Variants in WDR49 observed in about 807,000 individuals in gnomAD.
WDR49 encodes the protein cilia- and flagella-associated protein 337.
In WDR49, 107 loss-of-function variants were observed where a neutral mutation model predicts 119.5. The observed-to-expected ratio is 0.90, with a 90% confidence interval of 0.77 to 1.05. WDR49 has a LOEUF of 1.05. Ranked by LOEUF, WDR49 falls within the 50% of genes least tolerant of loss-of-function variation. The pLI is 0.00. For synonymous variants in WDR49, 425 were observed against 418.8 expected, an observed-to-expected ratio of 1.01 and a Z score of -0.18; for missense variants, 1,240 against 1,220.5, an observed-to-expected ratio of 1.02 and a Z score of -0.24.
chr3:167,528,124 C>A (rs1523340), intron 14 of WDR49, 107 bp from the exon 15 acceptor site: 1 of 874,762 alleles, frequency 1.1e-6, no homozygotes, highest in Non-Finnish European at 1.7e-6. Flanking sequence ...GAACAATAAC[C>A]TATGATCCAA....
At chr3:167,544,458 AGTGGGACATAGACCG>A (rs537696612) in intron 10 of WDR49, among the ~76,000 whole-genome samples, 42 of 152,184 alleles carry the variant, frequency 2.8e-4, no homozygotes, top group African/African-American at 9.6e-4. Flanking sequence ...TACATAGAGC[AGTGGGACATAGACCG>A]GTGGGACATA....
In WDR49 at chr3:167,480,182, G is replaced by GAGTTT. The variant is rs1043125381; in HGVS notation, c.3032-1191_3032-1187dup. Among the ~76,000 whole-genome samples, 24 of 139,410 alleles carry GAGTTT rather than the reference G, an allele frequency of 1.7e-4. No homozygotes were observed. In the Middle Eastern group the frequency reaches 0.012, roughly 67 times the overall value. 91.5% of individuals were successfully genotyped at this position (139,410 alleles called of 152,430 possible). On this transcript the variant is annotated intron_variant, in intron 18 of 18. Coordinates refer to ENST00000682715, the MANE Select transcript of WDR49 (RefSeq NM_001366157.1). ...GAGAATTGCTTGAACCCAGGAGGCA[G>GAGTTT]AGTTTGCAGTGAGCCGAGATCAAGC...
At chr3:167,652,055 T>C (rs1272674941) in intron 2 of WDR49, among the ~76,000 whole-genome samples, 3 of 152,226 alleles carry the variant, frequency 2.0e-5, no homozygotes, top group African/African-American at 7.2e-5. Flanking sequence ...GTTTGCTATG[T>C]CTATCAAAAT....
At chr3:167,514,782 C>T (rs1294747803) in intron 16 of WDR49, among the ~76,000 whole-genome samples, 2 of 151,784 alleles carry the variant, frequency 1.3e-5, no homozygotes, top group Non-Finnish European at 2.9e-5. Flanking sequence ...CAAATAGACA[C>T]AATAAAAAAA....
In WDR49 at chr3:167,532,895, C is replaced by T. The variant is rs776597447; in HGVS notation, c.2037G>A (p.Leu679=). 22 of 1,608,698 alleles carry T rather than the reference C, an allele frequency of 1.4e-5. No individual in the cohort carries two copies. In the Admixed American group the frequency reaches 3.5e-4, roughly 26 times the overall value. Residue 679 remains leucine, a synonymous_variant, in exon 12 of 19, where the codon TTG becomes TTA. Transcript: ENST00000682715. ...CACACTTACCTAATTTTGACTTTAGCAACCTCTGGTAATCAGGGTGAAGAA... is the reference window on the plus strand; with the variant it reads ...CACACTTACCTAATTTTGACTTTAGTAACCTCTGGTAATCAGGGTGAAGAA... The part of the protein sequence containing the change: ...HHVLHPDYQR[L]LKSKLDTKPQ...
chr3:167,655,849 G>T (rs1267991020), upstream of WDR49, among the ~76,000 whole-genome samples: 1 of 152,102 alleles, frequency 6.6e-6, no homozygotes, highest in East Asian at 1.9e-4. Flanking sequence ...AGTGAGCCAA[G>T]ATCACGCCAC....
At chr3:167,580,194 G>T (rs536370498) in intron 7 of WDR49, among the ~76,000 whole-genome samples, 1 of 152,126 alleles carries the variant, frequency 6.6e-6, no homozygotes, top group African/African-American at 2.4e-5. Context: ...AATGTTTACT[G>T]TTCTTCTTCT....
chr3:167,637,424 T>G (rs746911908), intron 2 of WDR49, among the ~76,000 whole-genome samples: 1 of 151,870 alleles, frequency 6.6e-6, no homozygotes, highest in Non-Finnish European at 1.5e-5. Flanking sequence ...AATCAGGTAA[T>G]GTGATGCCTC....
rs543714762 is a variant in WDR49, at chr3:167,638,258, G to A, written c.166-10966C>T. On this transcript the variant is annotated intron_variant, in intron 2 of 18. Coordinates refer to ENST00000682715, the MANE Select transcript of WDR49 (RefSeq NM_001366157.1). Reference sequence around the variant, plus strand: ...TCCTGCAATGCTTTTTTCTCTACATGAAAAATTGCTCATAATTGAATCTCA... The same window carrying A: ...TCCTGCAATGCTTTTTTCTCTACATAAAAAATTGCTCATAATTGAATCTCA... Among the ~76,000 whole-genome samples the A allele has an allele frequency of 1.8e-3, 265 of 151,398 alleles. 2 individuals are homozygous for A. The highest frequency in any genetic ancestry group is 6.0e-3 in the African/African-American group (247 of 41,418).
intron 2 of WDR49, among the ~76,000 whole-genome samples, chr3:167,652,405 T>C (rs1718429265): frequency 6.6e-6 from 1 of 152,190 alleles, no homozygotes. Context: ...CAAATTAGTA[T>C]GGATACTCCA....
chr3:167,492,120 C>T (rs1577194153), intron 18 of WDR49, among the ~76,000 whole-genome samples: 1 of 149,558 alleles, frequency 6.7e-6, no homozygotes, highest in African/African-American at 2.5e-5. Context: ...TGATAGTGTG[C>T]AGGAGAAATA....
At chr3:167,626,684 T>C (rs1034906514) in intron 3 of WDR49, among the ~76,000 whole-genome samples, 168 bp downstream of exon 3, 11 of 152,060 alleles carry the variant, frequency 7.2e-5, no homozygotes, top group Non-Finnish European at 1.5e-4. Context: ...TCAGCCACAG[T>C]GTCATTACAA....
intron 10 of WDR49, among the ~76,000 whole-genome samples, chr3:167,552,483 G>A (rs190101851): frequency 3.5e-4 from 53 of 152,170 alleles, no homozygotes; most frequent in Non-Finnish European, 5.9e-4. Flanking sequence ...GTGACTTCTT[G>A]TTGTGTGTGA....
At position 167,532,380 on chromosome 3, in the gene WDR49, T is replaced by C. The variant is rs1000926760; in HGVS notation, c.2053+499A>G. On this transcript the variant is annotated intron_variant, in intron 12 of 18. Transcript: ENST00000682715. ...TTAAGTATAAAATATTCATGTGCTC[T>C]GCTAAACTCCCATAAAATACAATAT... 2.0e-5 allele frequency among the ~76,000 whole-genome samples: 3 copies of C among 152,184 alleles called. No homozygotes were observed. The South Asian group carries it at 6.2e-4, about 31-fold the overall frequency.
chr3:167,635,698 C>A (rs9836351), intron 2 of WDR49, among the ~76,000 whole-genome samples: 1 of 151,246 alleles, frequency 6.6e-6, no homozygotes, highest in African/African-American at 2.4e-5. Flanking sequence ...TTCACTGACC[C>A]GAGGTTTACT....
Position 167,560,069 on chromosome 3 carries a change from C to G in WDR49, c.1669G>C (p.Val557Leu). 3 of 1,614,064 alleles carry G rather than the reference C, an allele frequency of 1.9e-6. No homozygotes were observed. The highest frequency in any genetic ancestry group is 2.2e-5 in the South Asian group (2 of 91,072). ...AAGCATCATTGTGTTCGCACCTTTACAGTCCCATCTGTGCTGCCAGTCAAA... is the reference window on the plus strand; with the variant it reads ...AAGCATCATTGTGTTCGCACCTTTAGAGTCCCATCTGTGCTGCCAGTCAAA... ...RLLTGSTDGT[V>L]KIWDFNGYCH... The change falls in exon 9 of 19, where the codon GTA becomes CTA. Residue 557 changes from valine (V) to leucine (L), a missense_variant. By Grantham distance (32) the Val-to-Leu change is conservative. Coordinates refer to ENST00000682715, the MANE Select transcript of WDR49 (RefSeq NM_001366157.1).
In WDR49 at chr3:167,620,529, T is replaced by C; in HGVS notation, c.858A>G (p.Glu286=). The C allele has an allele frequency of 1.3e-6, 2 of 1,535,900 alleles. No individual in the cohort carries two copies. The highest frequency in any genetic ancestry group is 1.7e-6 in the Non-Finnish European group (2 of 1,146,680). The change falls in exon 5 of 19, where the codon GAA becomes GAG. Residue 286 remains glutamate, a synonymous_variant. Transcript: ENST00000682715. ...CTGCCCAGTTAATGGTCATAGTGGC[T>C]TCTCCATCTTCACATGCACTAGCAG... ...ERPASACEDG[E]ATMTINWAEL...
intron 2 of WDR49, among the ~76,000 whole-genome samples, chr3:167,634,201 G>A (rs891290362): frequency 6.6e-6 from 1 of 151,712 alleles, no homozygotes; most frequent in African/African-American, 2.4e-5. Context: ...GTCTTTTTGA[G>A]GTAATAATTA....
At position 167,626,883 on chromosome 3, in the gene WDR49, G is replaced by T; in HGVS notation, c.575C>A (p.Thr192Lys). The T allele has an allele frequency of 1.6e-6, 2 of 1,251,012 alleles. No individual in the cohort carries two copies. The highest frequency in any genetic ancestry group is 3.7e-5 in the South Asian group (1 of 27,118). The allele number at this position is 1,251,012 out of a possible 1,614,324, so 77.5% of individuals were successfully genotyped here. Residue 192 changes from threonine to lysine, a missense_variant, in exon 3 of 19, where the codon ACA (threonine) becomes AAA (lysine). Thr to Lys is a moderately conservative substitution (Grantham distance 78). Coordinates refer to ENST00000682715, the MANE Select transcript of WDR49 (RefSeq NM_001366157.1). Reference sequence around the variant, plus strand: ...TACATTTTCCAGAGAAACCAGACTTGTCACCCACAGGTGTTTGAGCTTGGT... The same window carrying T: ...TACATTTTCCAGAGAAACCAGACTTTTCACCCACAGGTGTTTGAGCTTGGT... ...DATKLKHLWV[T>K]SLVSLENVNK...
Sources: gnomAD v4.1 joint callset for allele counts (sites outside exome capture counted in the v4.1 genomes callset) on GRCh38, gnomAD v4.1.1 for gene constraint, MANE v1.5 for transcripts, NCBI Gene and HGNC (gene_info 2026-07-23, HGNC 2026-07-21) for gene names.